PARD3B: variants seen among roughly 807,000 people sequenced by gnomAD.
PARD3B encodes partitioning defective 3 homolog B.
In PARD3B, 103 loss-of-function variants were observed where a neutral mutation model predicts 130.2. The observed-to-expected ratio is 0.79, with a 90% CI of 0.67 to 0.93. The LOEUF (loss-of-function observed/expected upper bound fraction) is 0.93, where lower values mean the gene tolerates loss of function less well. PARD3B is among the 40% of genes least tolerant of loss of function. PARD3B has a pLI of 0.00. For missense variants in PARD3B, 1,609 were observed against 1,499.2 expected (o/e 1.07, Z -1.21); for synonymous variants, 583 against 553.2 (o/e 1.05, Z -0.76).
intron 20 of PARD3B, among the ~76,000 whole-genome samples, chr2:205,449,093 G>A (rs1016516418): frequency 6.7e-6 from 1 of 149,494 alleles, no homozygotes; most frequent in African/African-American, 2.5e-5. Flanking sequence ...TTGAACCCGG[G>A]AGGCGCAGGT....
At chr2:204,612,752 C>T (rs1219817365) in intron 1 of PARD3B, among the ~76,000 whole-genome samples, 1 of 147,942 alleles carries the variant, frequency 6.8e-6, no homozygotes, top group Admixed American at 6.8e-5. Context: ...GCCCCACCCA[C>T]CCCTCCCTAC....
intron 2 of PARD3B, among the ~76,000 whole-genome samples, chr2:204,827,764 G>A (rs2043640787): frequency 1.3e-5 from 2 of 152,204 alleles, no homozygotes. Context: ...AAAATTATAT[G>A]CAAATTAATG....
At chr2:205,423,367 C>T (rs1574983256) in intron 19 of PARD3B, among the ~76,000 whole-genome samples, 1 of 152,214 alleles carries the variant, frequency 6.6e-6, no homozygotes, top group African/African-American at 2.4e-5. Context: ...ACCTGACGGA[C>T]AAGCCTGTGG....
chr2:205,310,238 C>G (rs568243069), intron 18 of PARD3B, among the ~76,000 whole-genome samples: 1 of 151,926 alleles, frequency 6.6e-6, no homozygotes, highest in African/African-American at 2.4e-5. Context: ...GGGCCCACCA[C>G]CACGCCCAGC....
chr2:204,781,271 G>A (rs1312728731), intron 2 of PARD3B, among the ~76,000 whole-genome samples: 1 of 151,918 alleles, frequency 6.6e-6, no homozygotes, highest in Non-Finnish European at 1.5e-5. Flanking sequence ...AATTTGTTGA[G>A]CAAATTAATG....
intron 2 of PARD3B, among the ~76,000 whole-genome samples, chr2:204,778,168 C>T (rs941073398): frequency 4.7e-5 from 7 of 147,902 alleles, no homozygotes; most frequent in South Asian, 2.2e-4. Context: ...AAAAAAAGAT[C>T]GTCATCTTGT....
chr2:205,556,430 A>G lies in PARD3B; in HGVS notation c.3260+3027A>G, dbSNP rs547446845. ...TCAAGTGCTTTCATGGAACTCGGTC[A>G]TCTTTAAAGCAGGCCCATGCAGCCC... On this transcript the variant is annotated intron_variant, in intron 22 of 22. Transcript: ENST00000406610. Among the ~76,000 whole-genome samples the G allele has an allele frequency of 2.0e-5, 3 of 152,306 alleles. No individual in the cohort carries two copies. In the South Asian group the frequency reaches 6.2e-4, roughly 32 times the overall value.
chr2:204,855,383 A>G (rs181604714), intron 2 of PARD3B, among the ~76,000 whole-genome samples: 213 of 152,028 alleles, frequency 1.4e-3, no homozygotes, highest in Middle Eastern at 6.8e-3. Flanking sequence ...CTCTACTAAA[A>G]ATACAAAAAT....
intron 15 of PARD3B, among the ~76,000 whole-genome samples, chr2:205,199,825 T>C (rs2125822674): frequency 6.6e-6 from 1 of 152,222 alleles, no homozygotes; most frequent in South Asian, 2.1e-4. Flanking sequence ...GATTATAAAG[T>C]GGCCGTCCCT....
chr2:204,956,963 G>A (rs998222111), intron 2 of PARD3B, among the ~76,000 whole-genome samples: 1 of 152,174 alleles, frequency 6.6e-6, no homozygotes, highest in East Asian at 1.9e-4. Flanking sequence ...GACCTCCATG[G>A]CACCCTTTGC....
At chr2:205,135,134 C>T (rs560780733) in intron 10 of PARD3B, among the ~76,000 whole-genome samples, 3 of 152,222 alleles carry the variant, frequency 2.0e-5, no homozygotes, top group African/African-American at 4.8e-5. Context: ...TTGAACAGCT[C>T]GGAAAAAGTC....
chr2:204,848,702 C>T (rs2044571759), intron 2 of PARD3B, among the ~76,000 whole-genome samples: 1 of 150,334 alleles, frequency 6.7e-6, no homozygotes, highest in Non-Finnish European at 1.5e-5. Context: ...ATATATGTAT[C>T]TATATATATA....
intron 2 of PARD3B, among the ~76,000 whole-genome samples, chr2:204,920,684 T>G (rs757316140): frequency 3.5e-4 from 53 of 152,334 alleles, no homozygotes; most frequent in Non-Finnish European, 6.5e-4. Flanking sequence ...CTCAACCAGA[T>G]TGACAAGATT....
At chr2:205,139,637 G>T (rs1236879429) in intron 10 of PARD3B, among the ~76,000 whole-genome samples, 2 of 151,998 alleles carry the variant, frequency 1.3e-5, no homozygotes, top group African/African-American at 4.8e-5. Context: ...TCATGTTTGG[G>T]ATATACATAA....
At position 204,766,814 on chromosome 2, in the gene PARD3B, AAAAAAC is replaced by A. The variant is rs1485892912; in HGVS notation, c.222+80537_222+80542del. ...ATATGCCCTTTTGTAAATCAAAAAA[AAAAAAC>A]AAAAGCAAACATTAGAGATTATACT... On this transcript the variant is annotated intron_variant, in intron 2 of 22. Coordinates refer to ENST00000406610, the MANE Select transcript of PARD3B (RefSeq NM_001302769.2). Among the ~76,000 whole-genome samples the A allele has an allele frequency of 6.6e-5, 10 of 151,730 alleles. No homozygotes were observed. The East Asian group carries it at 1.9e-3, about 29-fold the overall frequency.
chr2:204,829,557 T>G (rs1478877554), intron 2 of PARD3B, among the ~76,000 whole-genome samples: 1 of 152,156 alleles, frequency 6.6e-6, no homozygotes, highest in African/African-American at 2.4e-5. Context: ...CGGTTTGGCT[T>G]GGTGTCCCCA....
intron 18 of PARD3B, among the ~76,000 whole-genome samples, chr2:205,386,045 A>G (rs899137287): frequency 1.3e-5 from 2 of 152,194 alleles, no homozygotes; most frequent in Non-Finnish European, 1.5e-5. Context: ...AAGTTTCATG[A>G]TAGGCTTTTA....
At chr2:205,297,742 CA>C (rs2041847830) in intron 16 of PARD3B, among the ~76,000 whole-genome samples, 1 of 152,008 alleles carries the variant, frequency 6.6e-6, no homozygotes, top group South Asian at 2.1e-4. Flanking sequence ...ATTTTTTTTC[CA>C]ATCCTGAAAA....
intron 10 of PARD3B, among the ~76,000 whole-genome samples, chr2:205,132,753 G>A (rs1029024071): frequency 5.1e-4 from 77 of 152,170 alleles, no homozygotes; most frequent in African/African-American, 1.9e-3. Context: ...GCCTTTCAGT[G>A]TCTCAATTTC....
Sources: allele counts gnomAD v4.1 joint callset (sites outside exome capture counted in the v4.1 genomes callset), GRCh38; gene constraint gnomAD v4.1.1; transcripts MANE v1.5; gene names NCBI Gene and HGNC (gene_info 2026-07-23, HGNC 2026-07-21).